Variants in YARS1 observed in about 807,000 individuals in gnomAD.
YARS1 encodes tyrosine--tRNA ligase, cytoplasmic.
A neutral mutation model predicts 62.2 loss-of-function variants in YARS1; 36 were observed. That is an observed-to-expected ratio of 0.58 (90% CI 0.44 to 0.76). YARS1 has a LOEUF of 0.76. Among genes scored for constraint, YARS1 ranks in the 30% least tolerant of loss-of-function variants. YARS1 has a pLI of 0.00. For missense variants in YARS1, 524 were observed against 639.8 expected (o/e 0.82, Z 1.95); for synonymous variants, 234 against 244.9 (o/e 0.96, Z 0.42).
At position 32,817,340 on chromosome 1, in the gene YARS1, C is replaced by T; in HGVS notation, c.-96G>A. The T allele has an allele frequency of 6.6e-7, 1 of 1,524,222 alleles. No homozygotes were observed. 94.4% of individuals were successfully genotyped at this position (1,524,222 alleles called of 1,614,324 possible). On this transcript the variant is annotated 5_prime_UTR_variant, in exon 1 of 13. An upstream open reading frame in the 5' UTR gains an earlier in-frame stop. Coordinates refer to ENST00000373477, the MANE Select transcript of YARS1 (RefSeq NM_003680.4). ...CGTGCCGGGAACTGTCACGCGAGTC[C>T]AGCCAGGTTGCATCAGCTGGGCTCG...
chr1:32,797,808 T>C lies in YARS1; in HGVS notation c.546A>G (p.Gln182=), dbSNP rs751440666. 3.0e-5 allele frequency: 48 copies of C among 1,614,070 alleles called. No homozygotes were observed. Among genetic ancestry groups the C allele is most frequent in the Middle Eastern group, 1.6e-4 (1 of 6,084 alleles). Residue 182 remains glutamine (Q), a synonymous_variant, in exon 5 of 13, where the codon CAA becomes CAG. Coordinates refer to ENST00000373477, the MANE Select transcript of YARS1 (RefSeq NM_003680.4). ...LDEEYLKVDA[Q]FGGIDQRKIF... The stretch of plus-strand genomic sequence containing the variant: ...TCTTTCTCTGATCAATGCCTCCAAA[T>C]TGGGCATCTACTTTTAAATACTCTT...
chr1:32,784,594 T>C (rs1360010882), intron 8 of YARS1, among the ~76,000 whole-genome samples: 1 of 152,140 alleles, frequency 6.6e-6, no homozygotes, highest in Non-Finnish European at 1.5e-5. Flanking sequence ...TCAAGCAAAA[T>C]AGTGCTTGGA....
chr1:32,777,248 C>T (rs969884707), intron 12 of YARS1, among the ~76,000 whole-genome samples: 13 of 151,906 alleles, frequency 8.6e-5, no homozygotes, highest in Admixed American at 7.9e-4. Flanking sequence ...AGGCTGGTCT[C>T]GAACTCCCGC....
intron 1 of YARS1, among the ~76,000 whole-genome samples, chr1:32,813,881 CT>C (rs1349345478): frequency 0.014 from 68 of 4,836 alleles, no homozygotes; most frequent in Non-Finnish European, 0.018. Context: ...TTTTGGTCTC[CT>C]TTATTTTATT....
intron 8 of YARS1, among the ~76,000 whole-genome samples, chr1:32,784,269 C>T (rs1653151114): frequency 6.6e-6 from 1 of 151,770 alleles, no homozygotes; most frequent in Non-Finnish European, 1.5e-5. Context: ...CCTGCCTTGG[C>T]CTCCCAAAGT....
chr1:32,782,941 C>A (rs538671402), intron 8 of YARS1: 1 of 246,672 alleles, frequency 4.1e-6, no homozygotes, highest in South Asian at 5.1e-5. Context: ...TGGAGTTCGA[C>A]AGACCCAGAT....
intron 4 of YARS1, among the ~76,000 whole-genome samples, chr1:32,800,049 C>T (rs1258295665): frequency 6.6e-6 from 1 of 152,074 alleles, no homozygotes; most frequent in Admixed American, 6.6e-5. Flanking sequence ...GGCATGATCT[C>T]GGCTCACTGC....
chr1:32,780,117 G>T lies in YARS1; in HGVS notation c.1302C>A (p.Val434=). The change falls in exon 11 of 13, where the codon GTC becomes GTA. Residue 434 remains valine (V), a synonymous_variant. Transcript: ENST00000373477. ...CACACAGAAGCATGCCTTGGGACTCGACTCCTCTCATCTTCTGGGGTTTCA... is the reference window on the plus strand; with the variant it reads ...CACACAGAAGCATGCCTTGGGACTCTACTCCTCTCATCTTCTGGGGTTTCA... ...CNLKPQKMRG[V]ESQGMLLCAS... 1 of 1,614,042 alleles carries T rather than the reference G, an allele frequency of 6.2e-7. No individual in the cohort carries two copies. The highest frequency in any genetic ancestry group is 8.5e-7 in the Non-Finnish European group (1 of 1,180,024).
intron 3 of YARS1, among the ~76,000 whole-genome samples, chr1:32,807,942 C>CTG (rs1638499590): frequency 6.6e-6 from 1 of 152,108 alleles, no homozygotes; most frequent in South Asian, 2.1e-4. Context: ...CAGGATCTTG[C>CTG]TCTGTTGCCC....
At chr1:32,791,663 G>A (rs1327947241) in intron 5 of YARS1, among the ~76,000 whole-genome samples, 1 of 152,028 alleles carries the variant, frequency 6.6e-6, no homozygotes, top group Non-Finnish European at 1.5e-5. Context: ...TTAGCCAAGC[G>A]TGGTGGCAGG....
intron 3 of YARS1, among the ~76,000 whole-genome samples, chr1:32,810,163 T>C (rs571386984): frequency 6.6e-6 from 1 of 150,746 alleles, no homozygotes; most frequent in African/African-American, 2.4e-5. Flanking sequence ...TATGCTAACA[T>C]TCCAAATATG....
At chr1:32,778,723 T>C (rs1464757688) in intron 12 of YARS1, among the ~76,000 whole-genome samples, 3 of 148,164 alleles carry the variant, frequency 2.0e-5, no homozygotes, top group African/African-American at 5.0e-5. Flanking sequence ...GGCCTCATCA[T>C]TTCTTTTCTT....
intron 4 of YARS1, chr1:32,798,115 A>ACCCACCTTGGCCT: frequency 2.4e-6 from 1 of 416,732 alleles, no homozygotes; most frequent in Non-Finnish European, 4.5e-6. Flanking sequence ...CACCTTGGCC[A>ACCCACCTTGGCCT]CCCACCTTGG....
intron 2 of YARS1, 58 bp from the exon 3 acceptor site, chr1:32,810,824 T>C: frequency 6.2e-7 from 1 of 1,613,912 alleles, no homozygotes; most frequent in Admixed American, 1.7e-5. Context: ...CTCCAACCTG[T>C]CTCCTCCAGC....
intron 4 of YARS1, among the ~76,000 whole-genome samples, chr1:32,804,259 C>T (rs999778005): frequency 6.6e-6 from 1 of 152,272 alleles, no homozygotes; most frequent in African/African-American, 2.4e-5. Flanking sequence ...TTGGGTACTC[C>T]TCCCAGACGG....
chr1:32,816,108 C>CAAAAAA (rs71571726), intron 1 of YARS1, among the ~76,000 whole-genome samples: 2 of 54,102 alleles, frequency 3.7e-5, no homozygotes, highest in African/African-American at 6.9e-5. Flanking sequence ...GACTCCGCCT[C>CAAAAAA]AAAAAAAAAA....
At chr1:32,809,056 T>C (rs999964826) in intron 3 of YARS1, among the ~76,000 whole-genome samples, 4 of 152,120 alleles carry the variant, frequency 2.6e-5, no homozygotes, top group Non-Finnish European at 5.9e-5. Flanking sequence ...TCAAAGATGT[T>C]CATATGCTTT....
At chr1:32,779,259 A>G in intron 12 of YARS1, 123 bp downstream of exon 12, 1 of 1,511,040 alleles carries the variant, frequency 6.6e-7, no homozygotes, top group Non-Finnish European at 9.2e-7. Flanking sequence ...AGAAGGAGGG[A>G]GAGAGGGGCT....
intron 4 of YARS1, chr1:32,798,076 T>C (rs1653662768): frequency 2.2e-6 from 1 of 463,140 alleles, no homozygotes; most frequent in Non-Finnish European, 4.0e-6. Context: ...TTTGCCATGT[T>C]GCCCAGGCTG....
Sources: gnomAD v4.1 joint callset for allele counts (sites outside exome capture counted in the v4.1 genomes callset) on GRCh38, gnomAD v4.1.1 for gene constraint, MANE v1.5 for transcripts, NCBI Gene and HGNC (gene_info 2026-07-23, HGNC 2026-07-21) for gene names.